The following CA14 variants were observed in gnomAD, a reference collection of about 807,000 sequenced individuals.
CA14 encodes carbonic anhydrase 14.
In CA14, 44 loss-of-function variants were observed where a neutral mutation model predicts 48.8. That is an observed-to-expected ratio of 0.90 (90% CI 0.71 to 1.16). The LOEUF (loss-of-function observed/expected upper bound fraction) is 1.16. CA14 is among the 50% of genes most tolerant of loss of function. CA14 has a pLI of 0.00. For synonymous variants in CA14, 154 were observed against 155.0 expected (o/e 0.99, Z 0.05); for missense variants, 386 against 401.0 (o/e 0.96, Z 0.32).
Position 150,260,174 on chromosome 1 carries a change from G to A in CA14, c.76+3G>A. ...AGGTCAACACTGGACGTATGAGGGT[G>A]AGCAGATCTCAAGGCCTCCCGACAA... On this transcript the variant is annotated splice_donor_region_variant and intron_variant, in intron 2 of 10. Coordinates refer to ENST00000369111, the MANE Select transcript of CA14 (RefSeq NM_012113.3). 1 of 1,613,942 alleles carries A rather than the reference G, an allele frequency of 6.2e-7. No homozygotes were observed. Among genetic ancestry groups the A allele is most frequent in the South Asian group, 1.1e-5 (1 of 91,068 alleles).
At chr1:150,259,741 C>T (rs1489842859) in intron 1 of CA14, among the ~76,000 whole-genome samples, 2 of 152,120 alleles carry the variant, frequency 1.3e-5, no homozygotes, top group Non-Finnish European at 2.9e-5. Flanking sequence ...CTCCTCCCCG[C>T]TTTCTAGTCC....
At chr1:150,259,450 C>T (rs1461005225) in intron 1 of CA14, among the ~76,000 whole-genome samples, 7 of 152,090 alleles carry the variant, frequency 4.6e-5, no homozygotes, top group African/African-American at 1.7e-4. Context: ...TCACTTTCAT[C>T]CTGTCCCTGC....
At chr1:150,263,266 A>C in intron 7 of CA14, 33 bp from the exon 8 acceptor site, 1 of 1,613,864 alleles carries the variant, frequency 6.2e-7, no homozygotes, top group Non-Finnish European at 8.5e-7. Context: ...CCACTCCCCA[A>C]AGTAACACCT....
In CA14 at chr1:150,261,622, C is replaced by T. The variant is rs1651041944; in HGVS notation, c.240C>T (p.His80=). The change falls in exon 3 of 11, where the codon CAC becomes CAT. Residue 80 remains histidine (H), a synonymous_variant. Transcript: ENST00000369111. ...CTGGCACCGAGCCTTTGGACCTGCA[C>T]AACAATGGCCACACAGGTAAAAGCA... The part of the protein sequence containing the change: ...DQPGTEPLDL[H]NNGHTVQLSL... 6.2e-7 allele frequency: 1 copy of T among 1,613,862 alleles called. No homozygotes were observed. Among genetic ancestry groups the T allele is most frequent in the Non-Finnish European group, 8.5e-7 (1 of 1,179,872 alleles).
At position 150,262,609 on chromosome 1, in the gene CA14, A is replaced by G; in HGVS notation, c.484A>G (p.Ile162Val). 1 of 1,612,884 alleles carries G rather than the reference A, an allele frequency of 6.2e-7. No homozygotes were observed. The highest frequency in any genetic ancestry group is 8.5e-7 in the Non-Finnish European group (1 of 1,178,880). Residue 162 changes from isoleucine (I) to valine (V), a missense_variant, in exon 5 of 11, where the codon ATC (isoleucine) becomes GTC (valine). Physicochemically the swap from Ile to Val is conservative, Grantham distance 29 (BLOSUM62 3). Coordinates refer to ENST00000369111, the MANE Select transcript of CA14 (RefSeq NM_012113.3). ...GCCTCAGGGCCTGGCTGTCCTGGGCATCCTAATTGAGGTCAGTAGCCCCCA... is the reference window on the plus strand; with the variant it reads ...GCCTCAGGGCCTGGCTGTCCTGGGCGTCCTAATTGAGGTCAGTAGCCCCCA... ...ERPQGLAVLG[I>V]LIEVGETKNI...
chr1:150,263,567 C>CG, intron 8 of CA14, 92 bp from the exon 9 acceptor site: 4 of 1,611,624 alleles, frequency 2.5e-6, no homozygotes, highest in South Asian at 1.1e-5. Context: ...AGGGTGCCCC[C>CG]GGGGGATTCT....
In CA14 at chr1:150,264,859, A is replaced by C; in HGVS notation, c.*200A>C. ...TGCAGAGCCTTCAGCCTCTCCAAAC[A>C]TGTAGGAGGAAATGAGGAAATCGCT... On this transcript the variant is annotated 3_prime_UTR_variant, in exon 11 of 11. Coordinates refer to ENST00000369111, the MANE Select transcript of CA14 (RefSeq NM_012113.3). 3.1e-5 allele frequency: 14 copies of C among 446,262 alleles called. No homozygotes were observed. The highest frequency in any genetic ancestry group is 1.1e-4 in the East Asian group (3 of 27,672). 27.6% of individuals were successfully genotyped at this position (446,262 alleles called of 1,614,324 possible). A position where few individuals can be genotyped will look rare whatever the true frequency, so the allele number is the denominator to read the frequency against.
chr1:150,261,483 C>T lies in CA14; in HGVS notation c.101C>T (p.Pro34Leu). Residue 34 changes from proline (P) to leucine (L), a missense_variant, in exon 3 of 11, where the codon CCA becomes CTA. Coordinates refer to ENST00000369111, the MANE Select transcript of CA14 (RefSeq NM_012113.3). ...YEGPHGQDHW[P>L]ASYPECGNNA... ...GGCCCACATGGTCAGGACCATTGGC[C>T]AGCCTCTTACCCTGAGTGTGGAAAC... 1 of 1,614,084 alleles carries T rather than the reference C, an allele frequency of 6.2e-7. No individual in the cohort carries two copies. Among genetic ancestry groups the T allele is most frequent in the Non-Finnish European group, 8.5e-7 (1 of 1,179,972 alleles).
At chr1:150,263,574 T>C (rs943736050) in intron 8 of CA14, 85 bp from the exon 9 acceptor site, 50 of 1,611,930 alleles carry the variant, frequency 3.1e-5, no homozygotes, top group Non-Finnish European at 4.2e-5. Flanking sequence ...CCCCGGGGGA[T>C]TCTCCCAGGC....
chr1:150,263,787 C>A lies in CA14; in HGVS notation c.863-7C>A, dbSNP rs976417963. 11 of 1,613,210 alleles carry A rather than the reference C, an allele frequency of 6.8e-6. No individual in the cohort carries two copies. The highest frequency in any genetic ancestry group is 9.3e-6 in the Non-Finnish European group (11 of 1,179,144). On this transcript the variant is annotated splice_polypyrimidine_tract_variant and splice_region_variant and intron_variant, in intron 9 of 10. Coordinates refer to ENST00000369111, the MANE Select transcript of CA14 (RefSeq NM_012113.3). Reference sequence around the variant, plus strand: ...AGGCTGACACCTTTTACCTTTATCTCCCCCAGGTGAAATGCTGAGTCTAGG... The same window carrying A: ...AGGCTGACACCTTTTACCTTTATCTACCCCAGGTGAAATGCTGAGTCTAGG...
intron 2 of CA14, 131 bp from the exon 3 acceptor site, chr1:150,261,328 T>C: frequency 1.3e-6 from 1 of 752,280 alleles, no homozygotes; most frequent in Admixed American, 2.6e-5. Flanking sequence ...TTAACCTGGG[T>C]GGAGGGAAGT....
intron 1 of CA14, 97 bp downstream of exon 1, chr1:150,258,280 AG>A: frequency 1.0e-6 from 1 of 963,482 alleles, no homozygotes; most frequent in Non-Finnish European, 1.6e-6. Flanking sequence ...AAGGAAGCCT[AG>A]AGGCTGGAAT....
chr1:150,262,179 C>T lies in CA14; in HGVS notation c.278C>T (p.Thr93Ile), dbSNP rs782067394. 17 of 1,614,062 alleles carry T rather than the reference C, an allele frequency of 1.1e-5. No homozygotes were observed. The highest frequency in any genetic ancestry group is 1.3e-5 in the African/African-American group (1 of 74,924). Reference sequence around the variant, plus strand: ...ACAGTGCAACTCTCTCTGCCCTCTACCCTGTATCTGGGTGGACTTCCCCGA... The same window carrying T: ...ACAGTGCAACTCTCTCTGCCCTCTATCCTGTATCTGGGTGGACTTCCCCGA... ...GHTVQLSLPSTLYLGGLPRKY... is the reference protein window; with the variant it reads ...GHTVQLSLPSILYLGGLPRKY... The change falls in exon 4 of 11, where the codon ACC (threonine) becomes ATC (isoleucine). Residue 93 changes from threonine (T) to isoleucine (I), a missense_variant. Coordinates refer to ENST00000369111, the MANE Select transcript of CA14 (RefSeq NM_012113.3).
At position 150,260,191 on chromosome 1, in the gene CA14, T is replaced by C; in HGVS notation, c.76+20T>C. 6.2e-7 allele frequency: 1 copy of C among 1,613,440 alleles called. No homozygotes were observed. The highest frequency in any genetic ancestry group is 8.5e-7 in the Non-Finnish European group (1 of 1,179,398). On this transcript the variant is annotated intron_variant, in intron 2 of 10. Coordinates refer to ENST00000369111, the MANE Select transcript of CA14 (RefSeq NM_012113.3). ...ATGAGGGTGAGCAGATCTCAAGGCC[T>C]CCCGACAACCCTTTCACACTGGGAC...
intron 6 of CA14, 63 bp from the exon 7 acceptor site, chr1:150,262,979 A>G: frequency 6.2e-7 from 1 of 1,601,074 alleles, no homozygotes; most frequent in Non-Finnish European, 8.6e-7. Context: ...TGCTTCTGGG[A>G]GCCCTATCTA....
At chr1:150,262,642 C>A in intron 5 of CA14, 22 bp downstream of exon 5, 1 of 1,575,078 alleles carries the variant, frequency 6.3e-7, no homozygotes, top group Non-Finnish European at 8.7e-7. Context: ...CCAGTCCCTT[C>A]CAGGTTTCTC....
At chr1:150,259,872 G>T (rs1480222477) in intron 1 of CA14, among the ~76,000 whole-genome samples, 2 of 152,052 alleles carry the variant, frequency 1.3e-5, no homozygotes, top group Non-Finnish European at 2.9e-5. Context: ...TTTGGATCCA[G>T]GTTAATTTTA....
intron 2 of CA14, 64 bp downstream of exon 2, chr1:150,260,235 G>T (rs1167027996): frequency 2.0e-6 from 3 of 1,523,292 alleles, no homozygotes; most frequent in Non-Finnish European, 2.7e-6. Flanking sequence ...CTGGCAGGAA[G>T]ACACACTGTG....
Position 150,263,912 on chromosome 1 carries a change from C to CT in CA14, c.947+36dup, listed in dbSNP as rs201259406. On this transcript the variant is annotated intron_variant, in intron 10 of 10. Coordinates refer to ENST00000369111, the MANE Select transcript of CA14 (RefSeq NM_012113.3). The stretch of plus-strand genomic sequence containing the variant: ...CTACTTTCCATTCCTCCAGTCCCTT[C>CT]TTCTTTTTTTTTTTTTTTTTGGTAG... The CT allele has an allele frequency of 6.3e-3, 6,294 of 996,398 alleles. 317 individuals are homozygous for CT. In the African/African-American group the frequency reaches 0.11, roughly 18 times the overall value. 61.7% of individuals were successfully genotyped at this position (996,398 alleles called of 1,614,324 possible). A position where few individuals can be genotyped will look rare whatever the true frequency, so the allele number is the denominator to read the frequency against.
Sources: allele counts gnomAD v4.1 joint callset (sites outside exome capture counted in the v4.1 genomes callset), GRCh38; gene constraint gnomAD v4.1.1; transcripts MANE v1.5; gene names NCBI Gene and HGNC (gene_info 2026-07-23, HGNC 2026-07-21).